LINGO2: variants seen among roughly 807,000 people sequenced by gnomAD.
LINGO2 encodes the protein leucine-rich repeat and immunoglobulin-like domain-containing nogo receptor-interacting protein 2.
Under a neutral mutation model 30.6 loss-of-function variants are expected in LINGO2, and 14 were observed. The ratio of observed to expected loss-of-function variants is 0.46; its 90% CI spans 0.30 to 0.72. LINGO2 has a LOEUF of 0.72. Ranked by LOEUF, LINGO2 falls within the 30% of genes least tolerant of loss-of-function variation. LINGO2 has a pLI of 0.07. For synonymous variants in LINGO2, 317 were observed against 288.5 expected (o/e 1.10, Z -1.00); for missense variants, 729 against 751.7 (o/e 0.97, Z 0.35).
chr9:28,007,254 G>A (rs887096037), intron 5 of LINGO2, among the ~76,000 whole-genome samples: 9 of 152,132 alleles, frequency 5.9e-5, no homozygotes, highest in South Asian at 4.2e-4. Flanking sequence ...AGGAAGTGGC[G>A]CCAAACCCAG....
intron 4 of LINGO2, among the ~76,000 whole-genome samples, chr9:28,107,899 T>A (rs1299187922): frequency 6.6e-6 from 1 of 152,070 alleles, no homozygotes; most frequent in Non-Finnish European, 1.5e-5. Flanking sequence ...CTTACATGTA[T>A]CCCTTCTAAG....
the LINGO2 span, among the ~76,000 whole-genome samples, chr9:28,692,820 T>C: frequency 7.2e-5 from 11 of 152,260 alleles, no homozygotes; most frequent in African/African-American, 2.2e-4. Flanking sequence ...TCTGAATTCA[T>C]AGAACAGTGG....
the LINGO2 span, among the ~76,000 whole-genome samples, chr9:28,911,422 A>G: frequency 6.6e-6 from 1 of 151,960 alleles, no homozygotes. Flanking sequence ...CATATAAAAA[A>G]TTTTCTATAA....
the LINGO2 span, among the ~76,000 whole-genome samples, chr9:28,848,397 G>GTGTGTATATATATATA: frequency 1.1e-3 from 51 of 48,418 alleles, no homozygotes; most frequent in Admixed American, 3.9e-3. Context: ...GTGTGTGTGT[G>GTGTGTATATATATATA]TATATATATA....
chr9:28,357,604 G>A (rs1820272987), intron 3 of LINGO2, among the ~76,000 whole-genome samples: 1 of 151,992 alleles, frequency 6.6e-6, no homozygotes, highest in African/African-American at 2.4e-5. Flanking sequence ...ATAGTCTATG[G>A]AAACATTTTT....
chr9:28,000,816 G>GA (rs1183538615), intron 5 of LINGO2, among the ~76,000 whole-genome samples: 1 of 152,172 alleles, frequency 6.6e-6, no homozygotes, highest in Non-Finnish European at 1.5e-5. Context: ...TAGCCTGATA[G>GA]AAACTTTATC....
the LINGO2 span, among the ~76,000 whole-genome samples, chr9:29,201,487 T>C: frequency 6.6e-6 from 1 of 152,080 alleles, no homozygotes; most frequent in Non-Finnish European, 1.5e-5. Flanking sequence ...AATTAAGCCA[T>C]CTATAACCAT....
At chr9:28,397,985 C>G (rs1822121475) in intron 2 of LINGO2, among the ~76,000 whole-genome samples, 1 of 152,096 alleles carries the variant, frequency 6.6e-6, no homozygotes, top group Non-Finnish European at 1.5e-5. Context: ...TAATAAATGT[C>G]ATTTACGTTC....
chr9:28,669,966 T>C (rs1214201503), intron 1 of LINGO2, among the ~76,000 whole-genome samples: 1 of 151,974 alleles, frequency 6.6e-6, no homozygotes, highest in Non-Finnish European at 1.5e-5. Flanking sequence ...ATATAGTAGC[T>C]TTACAGAGAA....
At chr9:28,949,765 C>T in the LINGO2 span, among the ~76,000 whole-genome samples, 2 of 152,124 alleles carry the variant, frequency 1.3e-5, no homozygotes, top group Admixed American at 6.5e-5. Flanking sequence ...TTTTATGAGG[C>T]TAGCATCATC....
At chr9:29,128,348 T>C in the LINGO2 span, among the ~76,000 whole-genome samples, 2 of 152,136 alleles carry the variant, frequency 1.3e-5, no homozygotes, top group South Asian at 2.1e-4. Context: ...ATGAGAAACA[T>C]TGCATCTATT....
At chr9:29,204,873 T>G in the LINGO2 span, among the ~76,000 whole-genome samples, 1 of 152,206 alleles carries the variant, frequency 6.6e-6, no homozygotes, top group Non-Finnish European at 1.5e-5. Flanking sequence ...TTACATTTCT[T>G]CCAAGCTTAG....
At chr9:28,695,693 T>C in the LINGO2 span, among the ~76,000 whole-genome samples, 10 of 151,478 alleles carry the variant, frequency 6.6e-5, no homozygotes, top group Non-Finnish European at 1.0e-4. Context: ...GCCAATATTG[T>C]TGAATGAACA....
intron 1 of LINGO2, among the ~76,000 whole-genome samples, chr9:28,607,819 G>A (rs1825754744): frequency 6.6e-6 from 1 of 151,908 alleles, no homozygotes. Context: ...ACAATGTGAT[G>A]GGCCAACTTA....
At chr9:28,355,301 C>G (rs1234252542) in intron 3 of LINGO2, among the ~76,000 whole-genome samples, 2 of 558 alleles carry the variant, frequency 3.6e-3, no homozygotes, top group South Asian at 0.12. Flanking sequence ...CTCTCTATGT[C>G]TCTCTCTCTC....
intron 1 of LINGO2, among the ~76,000 whole-genome samples, chr9:28,596,917 A>C (rs1214684565): frequency 1.3e-5 from 2 of 152,182 alleles, no homozygotes; most frequent in Non-Finnish European, 2.9e-5. Context: ...GCCAGGCTCC[A>C]GTGCGGGTCC....
At chr9:28,575,964 C>T (rs1823963953) in intron 1 of LINGO2, among the ~76,000 whole-genome samples, 1 of 148,454 alleles carries the variant, frequency 6.7e-6, no homozygotes, top group East Asian at 2.0e-4. Context: ...ACATATCCCC[C>T]CACACAGGGA....
At chr9:29,014,251 AT>A in the LINGO2 span, among the ~76,000 whole-genome samples, 1 of 152,170 alleles carries the variant, frequency 6.6e-6, no homozygotes, top group East Asian at 1.9e-4. Context: ...TTCAAATTGG[AT>A]GCATAAGCCA....
intron 1 of LINGO2, chr9:28,598,922 T>C (rs966716874): frequency 6.6e-6 from 1 of 152,158 alleles, no homozygotes; most frequent in African/African-American, 2.4e-5. Context: ...TATAACATCT[T>C]TTATAAGTAG....
Sources: gnomAD v4.1 joint callset for allele counts (sites outside exome capture counted in the v4.1 genomes callset) on GRCh38, gnomAD v4.1.1 for gene constraint, MANE v1.5 for transcripts, NCBI Gene and HGNC (gene_info 2026-07-23, HGNC 2026-07-21) for gene names.